LMO7: variants seen among roughly 807,000 people sequenced by gnomAD.
LMO7 encodes the protein LIM domain only protein 7.
A neutral mutation model predicts 206.5 loss-of-function variants in LMO7; 120 were observed. The observed-to-expected ratio is 0.58, with a 90% CI of 0.50 to 0.68. The LOEUF (loss-of-function observed/expected upper bound fraction) is 0.68, where lower values mean the gene tolerates loss of function less well. LMO7 is among the 30% of genes least tolerant of loss of function. The pLI, the probability that LMO7 is intolerant of heterozygous loss-of-function variation, is 0.00. For synonymous variants in LMO7, 706 were observed against 681.5 expected (o/e 1.04, Z -0.56); for missense variants, 1,959 against 1,957.9 (o/e 1.00, Z -0.01).
At chr13:75,834,556 T>C (rs1460952631) in intron 17 of LMO7, among the ~76,000 whole-genome samples, 169 bp downstream of exon 17, 1 of 115,818 alleles carries the variant, frequency 8.6e-6, no homozygotes, top group Admixed American at 1.1e-4. Context: ...CTTTGAATAC[T>C]CTGTCTGGAT....
chr13:75,644,789 C>A (rs891771983), intron 1 of LMO7, among the ~76,000 whole-genome samples: 2 of 152,078 alleles, frequency 1.3e-5, no homozygotes, highest in African/African-American at 4.8e-5. Flanking sequence ...CACCACCACA[C>A]CCAGATAATT....
At chr13:75,790,204 G>A (rs1038848738) in intron 4 of LMO7, among the ~76,000 whole-genome samples, 1 of 152,116 alleles carries the variant, frequency 6.6e-6, no homozygotes, top group African/African-American at 2.4e-5. Flanking sequence ...TGGAGGGGGC[G>A]GAGTTGACTG....
At chr13:75,670,904 G>A (rs977867472) in intron 1 of LMO7, among the ~76,000 whole-genome samples, 12 of 140,608 alleles carry the variant, frequency 8.5e-5, no homozygotes, top group Admixed American at 2.1e-4. Flanking sequence ...TTGGCCAGCT[G>A]TACAAAAATA....
At chr13:75,729,059 G>T (rs550719657) in intron 3 of LMO7, among the ~76,000 whole-genome samples, 1 of 152,200 alleles carries the variant, frequency 6.6e-6, no homozygotes, top group African/African-American at 2.4e-5. Flanking sequence ...GTCAGGTAGC[G>T]TGATGCCTCC....
At chr13:75,662,842 A>G (rs1031520125) in intron 1 of LMO7, among the ~76,000 whole-genome samples, 3 of 152,240 alleles carry the variant, frequency 2.0e-5, no homozygotes, top group African/African-American at 7.2e-5. Context: ...AAAAATGTTA[A>G]TGTAACTGGC....
chr13:75,684,138 GAAGGGGTC>G (rs1594263318), intron 1 of LMO7, among the ~76,000 whole-genome samples: 1 of 152,180 alleles, frequency 6.6e-6, no homozygotes, highest in African/African-American at 2.4e-5. Context: ...TTGGCTGAGG[GAAGGGGTC>G]CATTTAGATG....
intron 1 of LMO7, among the ~76,000 whole-genome samples, chr13:75,641,997 G>A (rs1425742236): frequency 6.6e-6 from 1 of 151,976 alleles, no homozygotes; most frequent in Non-Finnish European, 1.5e-5. Context: ...ATAATTTCTT[G>A]AACACAGCAT....
chr13:75,786,377 CTT>C (rs113210539), intron 4 of LMO7, among the ~76,000 whole-genome samples: 62 of 140,018 alleles, frequency 4.4e-4, no homozygotes, highest in African/African-American at 9.7e-4. Flanking sequence ...TTATTTTCTT[CTT>C]TTTTTTTTTT....
chr13:75,727,871 C>T (rs1034586291), intron 3 of LMO7, among the ~76,000 whole-genome samples: 45 of 150,542 alleles, frequency 3.0e-4, no homozygotes, highest in Non-Finnish European at 4.9e-4. Context: ...TGAGAACATG[C>T]GGTGTTTGGT....
chr13:75,853,405 T>C lies in LMO7; in HGVS notation c.4661+17T>C. The C allele has an allele frequency of 6.5e-7, 1 of 1,535,928 alleles. No homozygotes were observed. The highest frequency in any genetic ancestry group is 1.4e-5 in the African/African-American group (1 of 72,336). ...GCGTAACAGGTGAGGCCCTTGCTGT[T>C]TCTCTTTCTTCTCTTAGTCTTGGGT... On this transcript the variant is annotated intron_variant, in intron 28 of 30. Transcript: ENST00000377534.
intron 6 of LMO7, 107 bp from the exon 7 acceptor site, chr13:75,800,577 C>T (rs2054604136): frequency 1.0e-6 from 1 of 990,622 alleles, no homozygotes; most frequent in Non-Finnish European, 1.5e-6. Context: ...CCTTACATGT[C>T]AAATAAAACC....
chr13:75,697,512 GC>G (rs1401489226), intron 1 of LMO7, among the ~76,000 whole-genome samples: 1 of 152,096 alleles, frequency 6.6e-6, no homozygotes, highest in Non-Finnish European at 1.5e-5. Context: ...AGGGGAAACT[GC>G]CCCCATGATT....
chr13:75,675,553 T>G (rs1405651293), intron 1 of LMO7, among the ~76,000 whole-genome samples: 3 of 152,232 alleles, frequency 2.0e-5, no homozygotes, highest in Non-Finnish European at 4.4e-5. Flanking sequence ...GCATTTTGTT[T>G]GTTTTGTTTT....
intron 1 of LMO7, among the ~76,000 whole-genome samples, chr13:75,678,202 C>G (rs1354246145): frequency 2.6e-5 from 4 of 152,118 alleles, no homozygotes; most frequent in Non-Finnish European, 5.9e-5. Flanking sequence ...GTTCTAGATC[C>G]CTGAGGAATC....
intron 28 of LMO7, chr13:75,854,977 C>A: frequency 3.3e-6 from 1 of 306,124 alleles, no homozygotes; most frequent in Non-Finnish European, 6.2e-6. Flanking sequence ...CAGATGTGAT[C>A]AAAGGAAGAT....
At chr13:75,624,834 G>T (rs1285686449) in intron 2 of LMO7, among the ~76,000 whole-genome samples, 2 of 152,182 alleles carry the variant, frequency 1.3e-5, no homozygotes, top group Non-Finnish European at 2.9e-5. Context: ...AATTGTGGGA[G>T]TTACCATTCA....
At chr13:75,790,852 A>G (rs142436056) in intron 4 of LMO7, among the ~76,000 whole-genome samples, 3 of 152,272 alleles carry the variant, frequency 2.0e-5, no homozygotes, top group Non-Finnish European at 4.4e-5. Context: ...GATTGTGTCT[A>G]TGCTGTATTT....
chr13:75,723,482 C>T (rs1364297711), intron 2 of LMO7, among the ~76,000 whole-genome samples: 1 of 152,076 alleles, frequency 6.6e-6, no homozygotes, highest in Non-Finnish European at 1.5e-5. Context: ...AATTTTGTAC[C>T]TCAGCTGAAA....
intron 1 of LMO7, among the ~76,000 whole-genome samples, chr13:75,674,874 A>G (rs1204941689): frequency 2.0e-5 from 3 of 152,196 alleles, no homozygotes; most frequent in African/African-American, 4.8e-5. Context: ...GTGGTATCCA[A>G]TCTTTAAAAA....
Sources: gnomAD v4.1 joint callset for allele counts (sites outside exome capture counted in the v4.1 genomes callset) on GRCh38, gnomAD v4.1.1 for gene constraint, MANE v1.5 for transcripts, NCBI Gene and HGNC (gene_info 2026-07-23, HGNC 2026-07-21) for gene names.